FTO: variants seen among roughly 807,000 people sequenced by gnomAD.
FTO encodes the protein FTO alpha-ketoglutarate dependent dioxygenase.
FTO carries 47 observed loss-of-function variants against 63.9 expected under a neutral mutation model. That is an observed-to-expected ratio of 0.74 (90% CI 0.58 to 0.94). The LOEUF is 0.94. FTO is among the 40% of genes least tolerant of loss of function. The probability of loss-of-function intolerance (pLI) is 0.00; values close to 1 mark genes in which losing one functional copy is unlikely to be tolerated. For synonymous variants in FTO, 207 were observed against 224.4 expected, an observed-to-expected ratio of 0.92 and a Z score of 0.69; for missense variants, 562 against 618.1, an observed-to-expected ratio of 0.91 and a Z score of 0.96.
intron 8 of FTO, among the ~76,000 whole-genome samples, chr16:54,035,381 A>T (rs1178542609): frequency 6.6e-6 from 1 of 152,230 alleles, no homozygotes; most frequent in Non-Finnish European, 1.5e-5. Flanking sequence ...TCTCAGCTGA[A>T]CACAGATCCT....
intron 8 of FTO, among the ~76,000 whole-genome samples, chr16:53,978,787 A>G (rs570195876): frequency 1.3e-5 from 2 of 152,292 alleles, no homozygotes; most frequent in East Asian, 1.9e-4. Context: ...AGTTGAGGCC[A>G]GGAGTTTGAG....
At chr16:54,039,241 C>G (rs1041143019) in intron 8 of FTO, 2 of 152,198 alleles carry the variant, frequency 1.3e-5, no homozygotes, top group Non-Finnish European at 2.9e-5. Context: ...TCTAGCAGAG[C>G]ACTAAGTGGT....
chr16:53,890,826 C>T (rs2081125344), intron 7 of FTO, among the ~76,000 whole-genome samples: 1 of 152,124 alleles, frequency 6.6e-6, no homozygotes, highest in Admixed American at 6.5e-5. Context: ...TTCAGGGCAA[C>T]ATTTTTTCCC....
chr16:53,768,141 C>T (rs536483015), intron 1 of FTO, among the ~76,000 whole-genome samples: 1 of 152,306 alleles, frequency 6.6e-6, no homozygotes, highest in South Asian at 2.1e-4. Context: ...TGTCTCCAAA[C>T]ATTTGGGATT....
Position 53,826,138 on chromosome 16 carries a change from C to T in FTO, c.398C>T (p.Ala133Val), listed in dbSNP as rs1598757869. Residue 133 changes from alanine to valine, a missense_variant, in exon 3 of 9, where the codon GCC becomes GTC. Coordinates refer to ENST00000471389, the MANE Select transcript of FTO (RefSeq NM_001080432.3). ...SNIKHTEAEI[A>V]AACETFLKLN... ...ATAAAACACACCGAGGCTGAAATAG[C>T]CGCTGCTTGTGAGACCTTCCTCAAG... The T allele has an allele frequency of 6.2e-7, 1 of 1,614,124 alleles. No homozygotes were observed. Among genetic ancestry groups the T allele is most frequent in the Non-Finnish European group, 8.5e-7 (1 of 1,180,026 alleles).
intron 8 of FTO, chr16:54,039,539 T>G (rs1176541610): frequency 1.3e-5 from 2 of 152,236 alleles, no homozygotes; most frequent in African/African-American, 4.8e-5. Context: ...TGTTTTTCAT[T>G]CAACAGACTA....
chr16:54,056,192 C>T (rs747329111), intron 8 of FTO, among the ~76,000 whole-genome samples: 5 of 152,190 alleles, frequency 3.3e-5, no homozygotes, highest in Admixed American at 1.3e-4. Context: ...AAGGGTGCTC[C>T]GTGCTCTCAC....
chr16:53,914,676 G>A (rs534371112), intron 7 of FTO, among the ~76,000 whole-genome samples: 2 of 152,276 alleles, frequency 1.3e-5, no homozygotes, highest in East Asian at 3.9e-4. Flanking sequence ...CGTGTGGAAG[G>A]ACGGCCATGG....
chr16:53,907,182 G>C (rs755320988), intron 7 of FTO, among the ~76,000 whole-genome samples: 3 of 152,168 alleles, frequency 2.0e-5, no homozygotes, highest in Non-Finnish European at 2.9e-5. Flanking sequence ...CCCATTGAAA[G>C]TTGAAAATAT....
chr16:53,917,677 C>T lies in FTO; in HGVS notation c.1240-16308C>T, dbSNP rs534620102. Among the ~76,000 whole-genome samples, 54 of 148,874 alleles carry T rather than the reference C, an allele frequency of 3.6e-4. 1 individual carries two copies. The South Asian group carries it at 0.011, about 31-fold the overall frequency. Reference sequence around the variant, plus strand: ...ATTTCCAGTTAATAGGTCCTGAATTCCTATTTGAGAGCCATACCACAAAAT... The same window carrying T: ...ATTTCCAGTTAATAGGTCCTGAATTTCTATTTGAGAGCCATACCACAAAAT... On this transcript the variant is annotated intron_variant, in intron 7 of 8. Transcript: ENST00000471389.
intron 4 of FTO, among the ~76,000 whole-genome samples, chr16:53,867,316 CAGA>C (rs148775159): frequency 0.11 from 17,402 of 151,744 alleles, 2,097 homozygotes; most frequent in African/African-American, 0.3. Flanking sequence ...GGAAATTTGT[CAGA>C]AGAAGAATGA....
intron 8 of FTO, among the ~76,000 whole-genome samples, chr16:54,004,084 G>A (rs2084135285): frequency 6.6e-6 from 1 of 152,126 alleles, no homozygotes; most frequent in African/African-American, 2.4e-5. Flanking sequence ...AAAAGGATTT[G>A]TACCCAAACT....
chr16:53,795,468 C>T lies in FTO; in HGVS notation c.46-14672C>T, dbSNP rs568645015. On this transcript the variant is annotated intron_variant, in intron 1 of 8. Transcript: ENST00000471389. ...ATACATTTGTGTGTGTGTGTGTGTGCGTGCGTGTGTGTGTGTGTAGAGACC... is the reference window on the plus strand; with the variant it reads ...ATACATTTGTGTGTGTGTGTGTGTGTGTGCGTGTGTGTGTGTGTAGAGACC... Among the ~76,000 whole-genome samples, 35 of 145,684 alleles carry T rather than the reference C, an allele frequency of 2.4e-4. No homozygotes were observed. In the South Asian group the frequency reaches 5.0e-3, roughly 21 times the overall value.
chr16:53,750,909 C>T (rs572348734), intron 1 of FTO, among the ~76,000 whole-genome samples: 12 of 152,274 alleles, frequency 7.9e-5, no homozygotes, highest in Admixed American at 2.0e-4. Flanking sequence ...AAACAAATTA[C>T]GAAGGTTGTA....
At chr16:53,745,179 C>G (rs2076621739) in intron 1 of FTO, among the ~76,000 whole-genome samples, 1 of 152,186 alleles carries the variant, frequency 6.6e-6, no homozygotes. Context: ...TCAGCAAAGC[C>G]AAATGCAATC....
intron 8 of FTO, among the ~76,000 whole-genome samples, chr16:53,945,486 G>A (rs1026555557): frequency 5.3e-5 from 8 of 152,326 alleles, no homozygotes; most frequent in East Asian, 1.9e-4. Context: ...CCACTGATAC[G>A]ATTCACTTAG....
chr16:54,086,909 G>T (rs2086265180), intron 8 of FTO, among the ~76,000 whole-genome samples: 3 of 152,240 alleles, frequency 2.0e-5, no homozygotes, highest in Non-Finnish European at 4.4e-5. Flanking sequence ...TCCCAAAGGA[G>T]TTCAGTGGGC....
At chr16:53,804,678 C>T (rs532450411) in intron 1 of FTO, among the ~76,000 whole-genome samples, 343 of 141,032 alleles carry the variant, frequency 2.4e-3, no homozygotes, top group African/African-American at 7.9e-3. Flanking sequence ...TGTCACCATG[C>T]AGCGGTGACT....
Position 53,704,238 on chromosome 16 carries a change from G to A in FTO, c.45+9G>A, listed in dbSNP as rs937362856. 6.4e-7 allele frequency: 1 copy of A among 1,551,270 alleles called. No homozygotes were observed. Among genetic ancestry groups the A allele is most frequent in the African/African-American group, 1.4e-5 (1 of 73,036 alleles). On this transcript the variant is annotated intron_variant, in intron 1 of 8. Transcript: ENST00000471389. The stretch of plus-strand genomic sequence containing the variant: ...GAGAGCGCGAAGCTAAGGTATGTCG[G>A]GCTCCCGGGGCCTGGAGATCTTCGT...
Sources: gnomAD v4.1 joint callset for allele counts (sites outside exome capture counted in the v4.1 genomes callset) on GRCh38, gnomAD v4.1.1 for gene constraint, MANE v1.5 for transcripts, NCBI Gene and HGNC (gene_info 2026-07-23, HGNC 2026-07-21) for gene names.